NLGN1: variants seen among roughly 807,000 people sequenced by gnomAD.
NLGN1 encodes the protein neuroligin-1.
A neutral mutation model predicts 65.5 loss-of-function variants in NLGN1; 12 were observed. That is an observed-to-expected ratio of 0.18 (90% CI 0.12 to 0.30). The LOEUF (loss-of-function observed/expected upper bound fraction) is 0.30. NLGN1 is among the 10% of genes least tolerant of loss of function. NLGN1 has a pLI of 1.00. For synonymous variants in NLGN1, 350 were observed against 359.5 expected (o/e 0.97, Z 0.30); for missense variants, 750 against 1,007.1 (o/e 0.74, Z 3.46).
intron 2 of NLGN1, among the ~76,000 whole-genome samples, chr3:173,443,922 T>C (rs558928847): frequency 6.6e-6 from 1 of 152,210 alleles, no homozygotes; most frequent in African/African-American, 2.4e-5. Context: ...ACTTAACTGA[T>C]CAGTGAACAT....
intron 1 of NLGN1, among the ~76,000 whole-genome samples, chr3:173,413,252 A>G (rs894610380): frequency 2.6e-5 from 4 of 152,042 alleles, no homozygotes; most frequent in Non-Finnish European, 5.9e-5. Context: ...AAGGAAGTTC[A>G]TATATTTTTT....
At chr3:173,567,060 A>G (rs1371100899) in intron 2 of NLGN1, among the ~76,000 whole-genome samples, 6 of 152,118 alleles carry the variant, frequency 3.9e-5, no homozygotes, top group Admixed American at 6.5e-5. Flanking sequence ...AGCCTTAGTT[A>G]TTAAAAAAGA....
intron 4 of NLGN1, among the ~76,000 whole-genome samples, chr3:174,159,687 G>A (rs777312914): frequency 3.3e-5 from 5 of 151,734 alleles, no homozygotes; most frequent in Non-Finnish European, 7.4e-5. Context: ...TGAGGCTGAT[G>A]TGTTAATCAA....
chr3:174,286,430 T>G (rs977577122), exon 7 of NLGN1: 1 of 151,552 alleles, frequency 6.6e-6, no homozygotes. Flanking sequence ...TTTTCAGAGT[T>G]GACATCTAAA....
At chr3:173,906,776 G>A (rs1161999601) in intron 4 of NLGN1, among the ~76,000 whole-genome samples, 2 of 151,004 alleles carry the variant, frequency 1.3e-5, no homozygotes, top group African/African-American at 4.9e-5. Flanking sequence ...ACTTGAGCCT[G>A]AGTTCCAGGC....
At chr3:174,160,082 A>G (rs571014838) in intron 4 of NLGN1, among the ~76,000 whole-genome samples, 74 of 151,800 alleles carry the variant, frequency 4.9e-4, no homozygotes, top group African/African-American at 1.8e-3. Context: ...TAGAACGCCA[A>G]AATAAAGACA....
At chr3:173,702,938 T>C (rs1367555301) in intron 3 of NLGN1, among the ~76,000 whole-genome samples, 1 of 152,220 alleles carries the variant, frequency 6.6e-6, no homozygotes, top group African/African-American at 2.4e-5. Context: ...TCACAAAGAC[T>C]ATAAAACATT....
chr3:173,474,985 C>T (rs985164691), intron 2 of NLGN1, among the ~76,000 whole-genome samples: 2 of 151,866 alleles, frequency 1.3e-5, no homozygotes, highest in Admixed American at 6.6e-5. Context: ...AAAGAAAAGA[C>T]AGAAGTTATA....
intron 4 of NLGN1, among the ~76,000 whole-genome samples, chr3:173,869,852 AT>A (rs1444219450): frequency 6.6e-6 from 1 of 152,118 alleles, no homozygotes; most frequent in African/African-American, 2.4e-5. Context: ...TTTGCATCAG[AT>A]GTTCAACAGA....
At chr3:173,568,267 G>A (rs762133212) in intron 2 of NLGN1, among the ~76,000 whole-genome samples, 3 of 140,754 alleles carry the variant, frequency 2.1e-5, no homozygotes, top group Admixed American at 7.5e-5. Flanking sequence ...TTTTCTTGAC[G>A]GAGTCTTACT....
chr3:173,398,881 T>G (rs1374246467), intron 1 of NLGN1, among the ~76,000 whole-genome samples: 5 of 152,182 alleles, frequency 3.3e-5, no homozygotes, highest in African/African-American at 1.2e-4. Flanking sequence ...TCTTAATGCA[T>G]TTCTCACCAT....
intron 2 of NLGN1, among the ~76,000 whole-genome samples, chr3:173,485,116 CAAAAA>C (rs58463042): frequency 1.9e-4 from 10 of 52,880 alleles, no homozygotes; most frequent in Admixed American, 5.0e-4. Flanking sequence ...TGGCAGCAGG[CAAAAA>C]AAAAAAAAAA....
chr3:173,723,848 T>C (rs1771287697), intron 3 of NLGN1, among the ~76,000 whole-genome samples: 1 of 152,194 alleles, frequency 6.6e-6, no homozygotes, highest in Admixed American at 6.6e-5. Flanking sequence ...ATTTGATTAA[T>C]GATGATTCAG....
intron 4 of NLGN1, among the ~76,000 whole-genome samples, chr3:174,252,870 A>C (rs692762): frequency 0.15 from 22,171 of 152,092 alleles, 1,703 homozygotes; most frequent in African/African-American, 0.2. Context: ...AGGAAGGTGC[A>C]AAAGAGAGAA....
intron 2 of NLGN1, among the ~76,000 whole-genome samples, chr3:173,446,400 AT>A (rs1485315687): frequency 1.3e-5 from 2 of 152,038 alleles, no homozygotes; most frequent in African/African-American, 2.4e-5. Flanking sequence ...TGAACTCATC[AT>A]TTTTTATGGC....
At chr3:173,580,194 T>C (rs989241668) in intron 2 of NLGN1, among the ~76,000 whole-genome samples, 1 of 152,146 alleles carries the variant, frequency 6.6e-6, no homozygotes, top group African/African-American at 2.4e-5. Flanking sequence ...CTTACTCCTC[T>C]ATTTGTTATG....
chr3:174,270,596 A>G (rs1749215282), intron 4 of NLGN1, among the ~76,000 whole-genome samples: 1 of 151,878 alleles, frequency 6.6e-6, no homozygotes, highest in African/African-American at 2.4e-5. Flanking sequence ...AATATTTTTC[A>G]TAGGTGAGTA....
rs1173111781 is a variant in NLGN1 at position 174,280,200 on chromosome 3, T to C, written c.1650-281T>C. Among the ~76,000 whole-genome samples the C allele has an allele frequency of 6.6e-6, 1 of 151,998 alleles. No homozygotes were observed. Among genetic ancestry groups the C allele is most frequent in the Non-Finnish European group, 1.5e-5 (1 of 67,932 alleles). On this transcript the variant is annotated intron_variant, in intron 6 of 6. Transcript: ENST00000457714. This position sits in a 1 kb window ranked among gnomAD's most constrained non-coding sequence, Gnocchi z 4.9. ...TTGCCTATGAGACAACTCATACGTATGTGAGTATTTAAATAATTCTTTAAA... is the reference window on the plus strand; with the variant it reads ...TTGCCTATGAGACAACTCATACGTACGTGAGTATTTAAATAATTCTTTAAA...
intron 4 of NLGN1, among the ~76,000 whole-genome samples, chr3:174,194,862 C>CTTT (rs371935591): frequency 9.4e-5 from 12 of 127,638 alleles, no homozygotes; most frequent in East Asian, 2.2e-4. Context: ...TTTCTTTTTT[C>CTTT]TTTTTTCTTT....
Sources: gnomAD v4.1 joint callset for allele counts (sites outside exome capture counted in the v4.1 genomes callset) on GRCh38, gnomAD v4.1.1 for gene constraint, Gnocchi (gnomAD v3.1) non-coding constraint, MANE v1.5 for transcripts, NCBI Gene and HGNC (gene_info 2026-07-23, HGNC 2026-07-21) for gene names.